ASIC2: variants seen among roughly 807,000 people sequenced by gnomAD.
The protein encoded by ASIC2 is acid sensing ion channel subunit 2, also known as acid-sensing ion channel 2.
Under a neutral mutation model 57.3 loss-of-function variants are expected in ASIC2, and 25 were observed. The observed-to-expected ratio is 0.44, with a 90% CI of 0.32 to 0.61. The LOEUF (loss-of-function observed/expected upper bound fraction) is 0.61, where lower values mean the gene tolerates loss of function less well. ASIC2 is among the 20% of genes least tolerant of loss of function. The pLI is 0.06. For synonymous variants in ASIC2, 319 were observed against 307.5 expected, an observed-to-expected ratio of 1.04 and a Z score of -0.39; for missense variants, 641 against 738.1, an observed-to-expected ratio of 0.87 and a Z score of 1.52.
At chr17:33,153,642 A>T (rs897683725) in intron 1 of ASIC2, among the ~76,000 whole-genome samples, 6 of 152,202 alleles carry the variant, frequency 3.9e-5, no homozygotes, top group Admixed American at 2.6e-4. Flanking sequence ...TTTCCCAGGT[A>T]TGCGGCTGAT....
chr17:33,376,358 A>G (rs991684632), intron 1 of ASIC2, among the ~76,000 whole-genome samples: 1 of 93,838 alleles, frequency 1.1e-5, no homozygotes, highest in Non-Finnish European at 2.1e-5. Flanking sequence ...CAAATTGTCC[A>G]TTTCTTTTTT....
intron 1 of ASIC2, among the ~76,000 whole-genome samples, chr17:33,245,766 T>G (rs1308414555): frequency 6.6e-6 from 1 of 152,036 alleles, no homozygotes; most frequent in Admixed American, 6.5e-5. Context: ...GGAGGTCAAG[T>G]GCCAGGAGCA....
chr17:33,283,958 T>A (rs1436490388), intron 1 of ASIC2, among the ~76,000 whole-genome samples: 1 of 152,194 alleles, frequency 6.6e-6, no homozygotes, highest in Non-Finnish European at 1.5e-5. Flanking sequence ...TTGACCAAGG[T>A]ACGGAACCAC....
intron 1 of ASIC2, among the ~76,000 whole-genome samples, chr17:33,196,026 C>T (rs371807259): frequency 3.9e-5 from 6 of 152,100 alleles, no homozygotes; most frequent in East Asian, 1.9e-4. Flanking sequence ...TGCTGTGTGC[C>T]GGATACCCCG....
At chr17:34,087,528 T>A (rs566340147) in intron 1 of ASIC2, among the ~76,000 whole-genome samples, 3 of 152,306 alleles carry the variant, frequency 2.0e-5, no homozygotes, top group African/African-American at 7.2e-5. Context: ...TTGGAGTTGC[T>A]CTTCTCGAGG....
intron 1 of ASIC2, among the ~76,000 whole-genome samples, chr17:33,364,049 T>A (rs966793926): frequency 1.3e-5 from 2 of 152,166 alleles, no homozygotes; most frequent in Non-Finnish European, 2.9e-5. Context: ...TCTTGTTTGA[T>A]GTGTGGGGAA....
At chr17:33,769,630 ATG>A (rs1911037142) in intron 1 of ASIC2, among the ~76,000 whole-genome samples, 1 of 152,188 alleles carries the variant, frequency 6.6e-6, no homozygotes, top group South Asian at 2.1e-4. Context: ...TTAGAAATTC[ATG>A]TGTCACCTTA....
intron 1 of ASIC2, among the ~76,000 whole-genome samples, chr17:33,723,648 A>G (rs1359807483): frequency 6.6e-6 from 1 of 152,186 alleles, no homozygotes; most frequent in Non-Finnish European, 1.5e-5. Flanking sequence ...CATTTAAATT[A>G]AGGTTAAAAA....
intron 1 of ASIC2, among the ~76,000 whole-genome samples, chr17:33,524,222 C>T (rs2141956897): frequency 6.6e-6 from 1 of 152,314 alleles, no homozygotes; most frequent in South Asian, 2.1e-4. Flanking sequence ...TCAGAATGTG[C>T]TGATATACCG....
rs540842392 is a variant in ASIC2, at chr17:33,800,378, C to T, written c.555+355600G>A. On this transcript the variant is annotated intron_variant, in intron 1 of 9. Transcript: ENST00000359872. ...TTTGGGACCAAGACCTATATGACTC[C>T]AGAGTTTCTGTGCTTTTACCTTGCA... Among the ~76,000 whole-genome samples the T allele has an allele frequency of 2.6e-5, 4 of 152,244 alleles. No homozygotes were observed. In the East Asian group the frequency reaches 7.7e-4, roughly 29 times the overall value.
At chr17:34,046,127 T>C (rs568704320) in intron 1 of ASIC2, among the ~76,000 whole-genome samples, 4 of 152,192 alleles carry the variant, frequency 2.6e-5, no homozygotes, top group Non-Finnish European at 5.9e-5. Context: ...GAAACCATAT[T>C]GAATTTTCAG....
chr17:33,134,458 C>T (rs2142010430), intron 1 of ASIC2, among the ~76,000 whole-genome samples: 1 of 152,360 alleles, frequency 6.6e-6, no homozygotes, highest in East Asian at 1.9e-4. Flanking sequence ...AAACCTGACA[C>T]TGTCCCGGGC....
At position 33,868,252 on chromosome 17, in the gene ASIC2, A is replaced by G. The variant is rs529322849; in HGVS notation, c.555+287726T>C. 6.6e-5 allele frequency among the ~76,000 whole-genome samples: 10 copies of G among 152,148 alleles called. No individual in the cohort carries two copies. The South Asian group carries it at 1.7e-3, about 25-fold the overall frequency. On this transcript the variant is annotated intron_variant, in intron 1 of 9. Transcript: ENST00000359872. ...AGATAATAAATATTTCAGACTTACA[A>G]GTTATACAATCTCTGTAGTAACTAT...
At chr17:33,604,606 GGGGTGGAGT>G (rs1455539871) in intron 1 of ASIC2, among the ~76,000 whole-genome samples, 2 of 152,184 alleles carry the variant, frequency 1.3e-5, no homozygotes, top group African/African-American at 4.8e-5. Context: ...TTCCACCTGA[GGGGTGGAGT>G]GAATTGGGTC....
At chr17:33,172,621 C>G (rs1905568784) in intron 1 of ASIC2, among the ~76,000 whole-genome samples, 1 of 152,174 alleles carries the variant, frequency 6.6e-6, no homozygotes, top group African/African-American at 2.4e-5. Flanking sequence ...TCTGTGGGAG[C>G]AATATTTTCT....
intron 1 of ASIC2, among the ~76,000 whole-genome samples, chr17:33,709,677 C>A (rs548544970): frequency 6.6e-6 from 1 of 152,276 alleles, no homozygotes; most frequent in Admixed American, 6.5e-5. Flanking sequence ...CTGGCCCAAA[C>A]AATTTCTTAA....
intron 1 of ASIC2, among the ~76,000 whole-genome samples, chr17:33,436,853 CTTTTTTTTTT>C (rs71144877): frequency 4.5e-5 from 3 of 66,596 alleles, no homozygotes; most frequent in African/African-American, 5.0e-5. Flanking sequence ...ATTCCAACTT[CTTTTTTTTTT>C]TTTTTTTTTT....
intron 1 of ASIC2, among the ~76,000 whole-genome samples, chr17:33,153,026 C>T (rs1368374619): frequency 6.6e-6 from 1 of 152,198 alleles, no homozygotes; most frequent in Non-Finnish European, 1.5e-5. Flanking sequence ...TCCCAGGAGG[C>T]CCCTTCCTGG....
chr17:33,517,455 A>T (rs1041330195), intron 1 of ASIC2, among the ~76,000 whole-genome samples: 1 of 152,240 alleles, frequency 6.6e-6, no homozygotes, highest in Non-Finnish European at 1.5e-5. Context: ...TTAGCAATTT[A>T]TAACAAATGG....
Sources: allele counts gnomAD v4.1 joint callset (sites outside exome capture counted in the v4.1 genomes callset), GRCh38; gene constraint gnomAD v4.1.1; transcripts MANE v1.5; gene names NCBI Gene and HGNC (gene_info 2026-07-23, HGNC 2026-07-21).